SPATA9: variants seen among roughly 807,000 people sequenced by gnomAD.
The protein encoded by SPATA9 is spermatogenesis associated 9.
A neutral mutation model predicts 25.5 loss-of-function variants in SPATA9; 27 were observed. That is an observed-to-expected ratio of 1.06 (90% CI 0.78 to 1.46). The LOEUF is 1.46. Among genes scored for constraint, SPATA9 ranks in the 40% most tolerant of loss-of-function variants. The pLI, the probability that SPATA9 is intolerant of heterozygous loss-of-function variation, is 0.00. For missense variants in SPATA9, 282 were observed against 297.5 expected, an observed-to-expected ratio of 0.95 and a Z score of 0.38; for synonymous variants, 102 against 105.7, an observed-to-expected ratio of 0.97 and a Z score of 0.21.
chr5:95,654,633 C>T (rs1179026854), downstream of SPATA9, among the ~76,000 whole-genome samples: 2 of 152,026 alleles, frequency 1.3e-5, no homozygotes, highest in African/African-American at 4.8e-5. Context: ...TAATTGAAGG[C>T]AACCTAAATG....
chr5:95,652,476 A>G, downstream of SPATA9: 1 of 1,010,516 alleles, frequency 9.9e-7, no homozygotes, highest in Non-Finnish European at 1.3e-6. Context: ...TGTGTAAAAT[A>G]TATATAGCTC....
chr5:95,718,605 G>A, the SPATA9 span, among the ~76,000 whole-genome samples: 1 of 152,294 alleles, frequency 6.6e-6, no homozygotes, highest in South Asian at 2.1e-4. Flanking sequence ...CTCAATTGAA[G>A]TTGGAGGCCA....
chr5:95,686,945 T>G (rs1411851517), upstream of SPATA9, among the ~76,000 whole-genome samples: 2 of 152,176 alleles, frequency 1.3e-5, no homozygotes, highest in Non-Finnish European at 2.9e-5. Context: ...AGGGTATTCC[T>G]TTCACGGACA....
chr5:95,714,095 T>C, the SPATA9 span, among the ~76,000 whole-genome samples: 1 of 152,182 alleles, frequency 6.6e-6, no homozygotes, highest in Admixed American at 6.5e-5. Flanking sequence ...TTGCCTTGGG[T>C]AATATAAATT....
the SPATA9 span, among the ~76,000 whole-genome samples, chr5:95,715,119 A>T: frequency 5.9e-4 from 90 of 152,152 alleles, no homozygotes; most frequent in Middle Eastern, 0.01. Context: ...AGGTCAGGAG[A>T]TCAAGACCAC....
At chr5:95,685,927 C>A (rs1351718623), upstream of SPATA9, among the ~76,000 whole-genome samples, 3 of 152,168 alleles carry the variant, frequency 2.0e-5, no homozygotes, top group African/African-American at 7.2e-5. Flanking sequence ...ACCTTTGCCT[C>A]CCGGGTTCAA....
chr5:95,731,226 C>T, the SPATA9 span: 1 of 1,003,838 alleles, frequency 1.0e-6, no homozygotes, highest in African/African-American at 1.7e-5. Flanking sequence ...CCCGCATCCG[C>T]CCGACCCCCG....
intron 2 of SPATA9, among the ~76,000 whole-genome samples, chr5:95,681,256 C>T (rs1194943445): frequency 2.0e-5 from 3 of 152,162 alleles, no homozygotes; most frequent in Non-Finnish European, 4.4e-5. Flanking sequence ...TATTTCCTAT[C>T]TCAACCCTTC....
At chr5:95,654,174 A>C (rs74672963), downstream of SPATA9, 64,449 of 1,612,548 alleles carry the variant, frequency 0.04, 1,492 homozygotes, top group African/African-American at 0.087. Flanking sequence ...GTTGTCCATG[A>C]TAGAGAAGTG....
chr5:95,652,432 A>G, downstream of SPATA9: 1 of 1,406,968 alleles, frequency 7.1e-7, no homozygotes, highest in Non-Finnish European at 9.6e-7. Flanking sequence ...TGACATCTCT[A>G]CTTGGATGTC....
the SPATA9 span, among the ~76,000 whole-genome samples, chr5:95,728,923 C>T: frequency 6.6e-6 from 1 of 152,192 alleles, no homozygotes; most frequent in African/African-American, 2.4e-5. Flanking sequence ...AATTATAATG[C>T]ACTAGCATGC....
chr5:95,701,577 G>C (rs1754180486), upstream of SPATA9, among the ~76,000 whole-genome samples: 1 of 151,952 alleles, frequency 6.6e-6, no homozygotes, highest in Non-Finnish European at 1.5e-5. Flanking sequence ...GCTAGACAAA[G>C]AGAAAGCATC....
At chr5:95,675,769 A>T in intron 2 of SPATA9, 130 bp from the exon 3 acceptor site, 4 of 569,792 alleles carry the variant, frequency 7.0e-6, no homozygotes, top group Admixed American at 3.6e-5. Flanking sequence ...AACATCCAAT[A>T]TTTCTGTCCC....
chr5:95,731,550 C>A, the SPATA9 span: 13 of 1,444,136 alleles, frequency 9.0e-6, no homozygotes, highest in Middle Eastern at 2.0e-4. Context: ...TCGGCCCCGC[C>A]GCGGTGGAGG....
chr5:95,674,216 A>G (rs113485155), intron 3 of SPATA9, among the ~76,000 whole-genome samples: 3 of 152,352 alleles, frequency 2.0e-5, no homozygotes, highest in African/African-American at 7.2e-5. Flanking sequence ...AGAAATGTCA[A>G]AATCTTTCAT....
intron 1 of SPATA9, among the ~76,000 whole-genome samples, chr5:95,692,583 T>G (rs1862235): frequency 0.57 from 86,551 of 151,788 alleles, 24,874 homozygotes; most frequent in East Asian, 0.8. Flanking sequence ...AAAGTTTCCT[T>G]ACTTTTAGTT....
chr5:95,702,082 C>T (rs1049013825), upstream of SPATA9, among the ~76,000 whole-genome samples: 3 of 152,046 alleles, frequency 2.0e-5, no homozygotes, highest in Non-Finnish European at 4.4e-5. Flanking sequence ...CAAGAGGAAA[C>T]TTAAGAGCAC....
chr5:95,707,701 GT>G, the SPATA9 span, among the ~76,000 whole-genome samples: 1 of 152,116 alleles, frequency 6.6e-6, no homozygotes, highest in Non-Finnish European at 1.5e-5. Context: ...ATTCTTGGAC[GT>G]GCTGGGAGTC....
At chr5:95,678,272 G>T (rs2112662139) in intron 2 of SPATA9, among the ~76,000 whole-genome samples, 1 of 152,276 alleles carries the variant, frequency 6.6e-6, no homozygotes, top group South Asian at 2.1e-4. Context: ...AGCTATTTGG[G>T]AGGCTCAGGC....
Sources: gnomAD v4.1 joint callset for allele counts (sites outside exome capture counted in the v4.1 genomes callset) on GRCh38, gnomAD v4.1.1 for gene constraint, MANE v1.5 for transcripts, NCBI Gene and HGNC (gene_info 2026-07-23, HGNC 2026-07-21) for gene names.